Variants in AVEN observed in about 807,000 individuals in gnomAD.
The protein encoded by AVEN is cell death regulator Aven.
In AVEN, 41 loss-of-function variants were observed where a neutral mutation model predicts 38.1. That is an observed-to-expected ratio of 1.08 (90% CI 0.84 to 1.40). The LOEUF (loss-of-function observed/expected upper bound fraction) is 1.40. AVEN is among the 40% of genes most tolerant of loss of function. AVEN has a pLI of 0.00. For missense variants in AVEN, 605 were observed against 438.8 expected (o/e 1.38, Z -3.38); for synonymous variants, 206 against 171.8 (o/e 1.20, Z -1.56).
downstream of AVEN, chr15:33,864,273 AC>A: frequency 9.5e-7 from 1 of 1,053,918 alleles, no homozygotes; most frequent in Non-Finnish European, 1.4e-6. Context: ...TATCTGAAAT[AC>A]ATACATGGCC....
Position 34,039,132 on chromosome 15 carries a change from G to T in AVEN, c.-86C>A. 9.7e-7 allele frequency: 1 copy of T among 1,031,916 alleles called. No individual in the cohort carries two copies. The highest frequency in any genetic ancestry group is 4.6e-5 in the South Asian group (1 of 21,700). The allele number at this position is 1,031,916 out of a possible 1,614,324, so 63.9% of individuals were successfully genotyped here. A position where few individuals can be genotyped will look rare whatever the true frequency, so the allele number is the denominator to read the frequency against. On this transcript the variant is annotated 5_prime_UTR_variant, in exon 1 of 6. Coordinates refer to ENST00000306730, the MANE Select transcript of AVEN (RefSeq NM_020371.3). ...CCCACCGGAAGCGGGCCGCACGGAGGAGCCGCGAGCGAAAGGCGCCCGGTA... is the reference window on the plus strand; with the variant it reads ...CCCACCGGAAGCGGGCCGCACGGAGTAGCCGCGAGCGAAAGGCGCCCGGTA...
intron 2 of AVEN, among the ~76,000 whole-genome samples, chr15:33,900,156 T>C (rs1242204393): frequency 2.0e-5 from 3 of 152,144 alleles, no homozygotes; most frequent in Non-Finnish European, 4.4e-5. Context: ...ACTGCAATTA[T>C]AGTTGTTCTA....
chr15:34,008,483 CT>C (rs200355232), intron 1 of AVEN, among the ~76,000 whole-genome samples: 4,983 of 115,748 alleles, frequency 0.043, 4 homozygotes, highest in African/African-American at 0.11. Context: ...GATGAAAAAC[CT>C]TTTTTTTTTT....
intron 2 of AVEN, among the ~76,000 whole-genome samples, chr15:33,952,980 T>A (rs1894810691): frequency 6.6e-6 from 1 of 152,096 alleles, no homozygotes; most frequent in Non-Finnish European, 1.5e-5. Flanking sequence ...ATCACAAGCA[T>A]TCTTATACAC....
chr15:33,994,036 G>A (rs1268355063), intron 2 of AVEN, among the ~76,000 whole-genome samples: 6 of 152,142 alleles, frequency 3.9e-5, no homozygotes, highest in Non-Finnish European at 7.3e-5. Flanking sequence ...GGGCACACAC[G>A]TGCTGGAGTT....
intron 11 of AVEN, chr15:33,859,587 CACATGTACGTGGGAGTGAGA>C: frequency 6.2e-7 from 1 of 1,613,950 alleles, no homozygotes; most frequent in Non-Finnish European, 8.5e-7. Flanking sequence ...TTACCTTTTC[CACATGTACGTGGGAGTGAGA>C]GCAGGAGGTG....
intron 2 of AVEN, among the ~76,000 whole-genome samples, chr15:33,964,887 T>C (rs1035592513): frequency 1.3e-5 from 2 of 152,190 alleles, no homozygotes; most frequent in African/African-American, 2.4e-5. Context: ...CTTTCAACAT[T>C]ATACTGGGAG....
chr15:34,057,442 A>G (rs2140838128), intron 5 of AVEN, among the ~76,000 whole-genome samples: 1 of 152,156 alleles, frequency 6.6e-6, no homozygotes, highest in East Asian at 1.9e-4. Context: ...GTGCCCAGCC[A>G]GAATAGTCAT....
At chr15:33,861,480 CT>C (rs34330524), downstream of AVEN, among the ~76,000 whole-genome samples, 3,652 of 148,028 alleles carry the variant, frequency 0.025, 266 homozygotes, top group East Asian at 0.31. Context: ...TATAAATATG[CT>C]TTTTTTTTTT....
intron 1 of AVEN, among the ~76,000 whole-genome samples, chr15:34,006,850 C>A (rs1897373375): frequency 6.6e-6 from 1 of 152,088 alleles, no homozygotes; most frequent in Non-Finnish European, 1.5e-5. Context: ...ATCTTAAAAA[C>A]TAGAGGTTTT....
chr15:33,942,579 T>C (rs1372992945), intron 2 of AVEN, among the ~76,000 whole-genome samples: 1 of 152,032 alleles, frequency 6.6e-6, no homozygotes, highest in Non-Finnish European at 1.5e-5. Flanking sequence ...GCCTCCCAAG[T>C]AGCTGGGACT....
chr15:33,983,203 TATATATATATAC>T (rs1896256703), intron 2 of AVEN, among the ~76,000 whole-genome samples: 1 of 20,636 alleles, frequency 4.8e-5, no homozygotes, highest in Non-Finnish European at 8.5e-5. Flanking sequence ...TGTGTGTGTA[TATATATATATAC>T]ATATATATAC....
At chr15:34,029,980 A>G (rs936419535) in intron 1 of AVEN, among the ~76,000 whole-genome samples, 1 of 152,166 alleles carries the variant, frequency 6.6e-6, no homozygotes, top group African/African-American at 2.4e-5. Context: ...CAAGCCGAGC[A>G]TGGTGACTCA....
At chr15:33,872,288 A>T (rs548247126) in intron 3 of AVEN, among the ~76,000 whole-genome samples, 1 of 152,080 alleles carries the variant, frequency 6.6e-6, no homozygotes, top group Non-Finnish European at 1.5e-5. Flanking sequence ...GCCAGGAATC[A>T]TAAGACTCTG....
intron 5 of AVEN, chr15:34,062,602 C>A: frequency 5.2e-5 from 36 of 697,332 alleles, no homozygotes; most frequent in South Asian, 1.1e-4. Context: ...ACAAGAAAAT[C>A]ATGCTGGTGT....
At chr15:33,868,220 CT>C (rs1890775472) in intron 4 of AVEN, among the ~76,000 whole-genome samples, 1 of 152,154 alleles carries the variant, frequency 6.6e-6, no homozygotes, top group Non-Finnish European at 1.5e-5. Context: ...ACATGAACAT[CT>C]ATAAAAAGTC....
At chr15:33,891,394 C>T (rs1330643509) in intron 2 of AVEN, among the ~76,000 whole-genome samples, 1 of 152,132 alleles carries the variant, frequency 6.6e-6, no homozygotes, top group Non-Finnish European at 1.5e-5. Flanking sequence ...TCCCCCACCC[C>T]CTGACGGGCC....
intron 2 of AVEN, among the ~76,000 whole-genome samples, chr15:33,911,765 A>T (rs1892926927): frequency 6.6e-6 from 1 of 152,208 alleles, no homozygotes; most frequent in African/African-American, 2.4e-5. Context: ...AAACATAAAA[A>T]TCTGATTTGT....
intron 5 of AVEN, among the ~76,000 whole-genome samples, chr15:34,060,619 T>C (rs936182370): frequency 1.3e-5 from 2 of 152,210 alleles, no homozygotes; most frequent in South Asian, 4.1e-4. Flanking sequence ...CTTTCGCCTG[T>C]AATCCCAGAA....
Sources: allele counts gnomAD v4.1 joint callset (sites outside exome capture counted in the v4.1 genomes callset), GRCh38; gene constraint gnomAD v4.1.1; transcripts MANE v1.5; gene names NCBI Gene and HGNC (gene_info 2026-07-23, HGNC 2026-07-21).